Variants in BRINP3 observed in about 807,000 individuals in gnomAD.
BRINP3 encodes BMP/retinoic acid inducible neural specific 3, also known as BMP/retinoic acid-inducible neural-specific protein 3.
In BRINP3, 19 loss-of-function variants were observed where a neutral mutation model predicts 71.0. The ratio of observed to expected loss-of-function variants is 0.27; its 90% CI spans 0.19 to 0.39. The LOEUF (loss-of-function observed/expected upper bound fraction) is 0.39. Among genes scored for constraint, BRINP3 ranks in the 10% least tolerant of loss-of-function variants. The probability of loss-of-function intolerance (pLI) is 1.00; values close to 1 mark genes in which losing one functional copy is unlikely to be tolerated. For synonymous variants in BRINP3, 380 were observed against 337.7 expected, an observed-to-expected ratio of 1.13 and a Z score of -1.37; for missense variants, 959 against 940.8, an observed-to-expected ratio of 1.02 and a Z score of -0.25.
intron 4 of BRINP3, among the ~76,000 whole-genome samples, chr1:190,243,252 T>C (rs966699268): frequency 1.1e-4 from 16 of 152,106 alleles, no homozygotes; most frequent in African/African-American, 3.9e-4. Context: ...GCTTAAACCA[T>C]GGTTGCCATG....
intron 4 of BRINP3, among the ~76,000 whole-genome samples, chr1:190,248,219 A>G (rs1179567750): frequency 6.6e-6 from 1 of 151,566 alleles, no homozygotes; most frequent in Admixed American, 6.6e-5. Context: ...TTTTGCCATT[A>G]CTTTTAATGG....
At chr1:190,447,712 A>G (rs1323698942) in intron 2 of BRINP3, among the ~76,000 whole-genome samples, 1 of 150,826 alleles carries the variant, frequency 6.6e-6, no homozygotes, top group African/African-American at 2.4e-5. Flanking sequence ...GTTTAATTAT[A>G]ATTATTTTAA....
intron 2 of BRINP3, among the ~76,000 whole-genome samples, chr1:190,356,988 G>T (rs996803754): frequency 2.0e-5 from 3 of 152,000 alleles, no homozygotes; most frequent in Non-Finnish European, 2.9e-5. Context: ...GAGGGACAGA[G>T]TGACAAATGC....
chr1:190,339,058 CT>C lies in BRINP3; in HGVS notation c.237-57309del, dbSNP rs1260582093. Among the ~76,000 whole-genome samples the C allele has an allele frequency of 5.9e-4, 89 of 149,652 alleles. 1 individual carries two copies. In the East Asian group the frequency reaches 0.016, roughly 28 times the overall value. ...TAAATAAATAAATAAATAAAACAAT[CT>C]TTTTTCTTCAGCTTTCAGTGCAGAA... On this transcript the variant is annotated intron_variant, in intron 2 of 7. Coordinates refer to ENST00000367462, the MANE Select transcript of BRINP3 (RefSeq NM_199051.3).
chr1:190,248,009 A>T (rs190263845), intron 4 of BRINP3, among the ~76,000 whole-genome samples: 30 of 151,968 alleles, frequency 2.0e-4, no homozygotes, highest in Non-Finnish European at 8.8e-5. Context: ...AGCTCAATCC[A>T]TCTGATTCAG....
intron 2 of BRINP3, among the ~76,000 whole-genome samples, chr1:190,371,291 T>C (rs573769127): frequency 6.6e-6 from 1 of 152,352 alleles, no homozygotes; most frequent in African/African-American, 2.4e-5. Flanking sequence ...TTTCTTCTAG[T>C]AGTTTTAAAA....
intron 2 of BRINP3, among the ~76,000 whole-genome samples, chr1:190,289,316 G>A (rs61819058): frequency 6.6e-6 from 1 of 151,868 alleles, no homozygotes; most frequent in African/African-American, 2.4e-5. Flanking sequence ...CTTTTAAAAT[G>A]TTAGATGATT....
At chr1:190,310,890 A>C (rs1665469745) in intron 2 of BRINP3, among the ~76,000 whole-genome samples, 1 of 151,790 alleles carries the variant, frequency 6.6e-6, no homozygotes, top group Non-Finnish European at 1.5e-5. Flanking sequence ...ATGCATAACA[A>C]AGCAGCTATT....
Position 190,281,665 on chromosome 1 carries a change from A to G in BRINP3, c.322T>C (p.Phe108Leu). ...CGTCCCAAAAGTCTTATGTTGCGGA[A>G]GAATTCAGGGGCAAGAGGCAGAGGA... ...GSPLPLAPEF[F>L]RNIRLLGRRP... The change falls in exon 3 of 8, where the codon TTC (phenylalanine) becomes CTC (leucine). Residue 108 changes from phenylalanine (F) to leucine (L), a missense_variant. Phe to Leu is a conservative substitution (Grantham distance 22, BLOSUM62 0). Coordinates refer to ENST00000367462, the MANE Select transcript of BRINP3 (RefSeq NM_199051.3). The G allele has an allele frequency of 6.2e-7, 1 of 1,613,054 alleles. No homozygotes were observed. Among genetic ancestry groups the G allele is most frequent in the Non-Finnish European group, 8.5e-7 (1 of 1,179,366 alleles).
At chr1:190,281,531 C>G (rs374718900) in intron 3 of BRINP3, 29 bp downstream of exon 3, 1 of 1,599,406 alleles carries the variant, frequency 6.3e-7, no homozygotes, top group Non-Finnish European at 8.5e-7. Context: ...CAAGCACACA[C>G]AGGCACAAAT....
At chr1:190,167,310 G>C (rs1231888250) in intron 6 of BRINP3, among the ~76,000 whole-genome samples, 1 of 152,062 alleles carries the variant, frequency 6.6e-6, no homozygotes, top group Non-Finnish European at 1.5e-5. Flanking sequence ...GGGACAAAAA[G>C]CTTTATAAAC....
chr1:190,460,233 T>G (rs1328744078), intron 1 of BRINP3, among the ~76,000 whole-genome samples: 1 of 150,746 alleles, frequency 6.6e-6, no homozygotes, highest in African/African-American at 2.4e-5. Flanking sequence ...ATCTATTAAA[T>G]TATAAATGTT....
intron 2 of BRINP3, among the ~76,000 whole-genome samples, chr1:190,429,693 C>A (rs375191915): frequency 6.6e-6 from 1 of 150,662 alleles, no homozygotes; most frequent in East Asian, 2.0e-4. Context: ...TGGGTTCAAA[C>A]GATTCTCCTG....
At chr1:190,418,854 C>T (rs1462942996) in intron 2 of BRINP3, among the ~76,000 whole-genome samples, 1 of 152,024 alleles carries the variant, frequency 6.6e-6, no homozygotes, top group African/African-American at 2.4e-5. Context: ...TCGGCACACT[C>T]ATTGTATTGT....
In BRINP3 at chr1:190,439,332, T is replaced by A. The variant is rs12037193; in HGVS notation, c.236+15323A>T. 1.0e-3 allele frequency among the ~76,000 whole-genome samples: 158 copies of A among 152,010 alleles called. 8 individuals are homozygous for A. In the East Asian group the frequency reaches 0.024, roughly 23 times the overall value. ...TATATTAATTAATTAATATAATGTTTTTTTATATAACCTCAGTACCTTACT... is the reference window on the plus strand; with the variant it reads ...TATATTAATTAATTAATATAATGTTATTTTATATAACCTCAGTACCTTACT... On this transcript the variant is annotated intron_variant, in intron 2 of 7. Transcript: ENST00000367462.
At chr1:190,347,175 T>C (rs1010685289) in intron 2 of BRINP3, among the ~76,000 whole-genome samples, 2 of 152,122 alleles carry the variant, frequency 1.3e-5, no homozygotes, top group Non-Finnish European at 1.5e-5. Flanking sequence ...GGAGTCTTGC[T>C]CTGTTGCCAG....
chr1:190,321,026 T>TAA, intron 2 of BRINP3, among the ~76,000 whole-genome samples: 1 of 152,066 alleles, frequency 6.6e-6, no homozygotes, highest in Non-Finnish European at 1.5e-5. Context: ...AAAATGGAGT[T>TAA]TTATAATAAA....
At chr1:190,162,777 T>C (rs968710713) in intron 6 of BRINP3, among the ~76,000 whole-genome samples, 1 of 152,124 alleles carries the variant, frequency 6.6e-6, no homozygotes, top group African/African-American at 2.4e-5. Context: ...CTAAAGTGAG[T>C]ATAACAATGT....
chr1:190,447,107 G>A (rs1675268465), intron 2 of BRINP3, among the ~76,000 whole-genome samples: 1 of 151,644 alleles, frequency 6.6e-6, no homozygotes, highest in South Asian at 2.1e-4. Context: ...AGTTCAGCAT[G>A]TTCTTGTTTT....
Sources: gnomAD v4.1 joint callset for allele counts (sites outside exome capture counted in the v4.1 genomes callset) on GRCh38, gnomAD v4.1.1 for gene constraint, MANE v1.5 for transcripts, NCBI Gene and HGNC (gene_info 2026-07-23, HGNC 2026-07-21) for gene names.